ASAP1: variants seen among roughly 807,000 people sequenced by gnomAD.
ASAP1 encodes the protein ArfGAP with SH3 domain, ankyrin repeat and PH domain 1, also known as arf-GAP with SH3 domain, ANK repeat and PH domain-containing protein 1.
In ASAP1, 43 loss-of-function variants were observed where a neutral mutation model predicts 145.2. That is an observed-to-expected ratio of 0.30 (90% CI 0.23 to 0.38). The LOEUF is 0.38. Among genes scored for constraint, ASAP1 ranks in the 10% least tolerant of loss-of-function variants. The pLI is 1.00. For synonymous variants in ASAP1, 546 were observed against 515.5 expected (o/e 1.06, Z -0.80); for missense variants, 1,018 against 1,355.3 (o/e 0.75, Z 3.91).
intron 5 of ASAP1, among the ~76,000 whole-genome samples, chr8:130,213,467 T>C (rs10103052): frequency 0.12 from 18,230 of 152,230 alleles, 1,181 homozygotes; most frequent in Non-Finnish European, 0.15. Flanking sequence ...TAACCTTTTG[T>C]ATCTAATGGA....
intron 3 of ASAP1, among the ~76,000 whole-genome samples, chr8:130,349,806 C>A (rs1163246261): frequency 6.6e-6 from 1 of 152,178 alleles, no homozygotes; most frequent in African/African-American, 2.4e-5. Flanking sequence ...GAGTGCCTCC[C>A]ATGCATTGCC....
rs148122068 is a variant in ASAP1, at chr8:130,055,695, C to T, written c.3316-890G>A. Among the ~76,000 whole-genome samples the T allele has an allele frequency of 2.1e-3, 318 of 152,262 alleles. 1 individual carries two copies. Among genetic ancestry groups the T allele is most frequent in the African/African-American group, 7.5e-3 (312 of 41,548 alleles). On this transcript the variant is annotated intron_variant, in intron 29 of 29. Coordinates refer to ENST00000518721, the MANE Select transcript of ASAP1 (RefSeq NM_018482.4). The stretch of plus-strand genomic sequence containing the variant: ...TTACCTGTAAAAATTTTCTAATTAC[C>T]TCAATTAGATTAGTATTGATTGCAC...
At chr8:130,304,067 A>G (rs774262968) in intron 3 of ASAP1, among the ~76,000 whole-genome samples, 20 of 152,164 alleles carry the variant, frequency 1.3e-4, no homozygotes, top group Non-Finnish European at 2.4e-4. Context: ...GAGACGGTAC[A>G]TAAGAACTCT....
At chr8:130,328,308 C>T (rs907074179) in intron 3 of ASAP1, among the ~76,000 whole-genome samples, 15 of 152,188 alleles carry the variant, frequency 9.9e-5, no homozygotes, top group African/African-American at 3.6e-4. Context: ...TGCTCTTAAC[C>T]ACTGTGACAA....
chr8:130,195,299 G>T (rs7014892), intron 5 of ASAP1: 6 of 150,964 alleles, frequency 4.0e-5, no homozygotes, highest in East Asian at 2.0e-4. Context: ...AATTGGCGGG[G>T]GCCAAGGTGT....
At chr8:130,164,302 A>G (rs1288382146) in intron 11 of ASAP1, among the ~76,000 whole-genome samples, 1 of 152,214 alleles carries the variant, frequency 6.6e-6, no homozygotes, top group African/African-American at 2.4e-5. Flanking sequence ...AAATACTTTC[A>G]GGCCAGGCGC....
At chr8:130,059,939 C>T (rs1051592435) in intron 28 of ASAP1, among the ~76,000 whole-genome samples, 2 of 151,732 alleles carry the variant, frequency 1.3e-5, no homozygotes, top group Admixed American at 6.6e-5. Flanking sequence ...AAAAGCCAGG[C>T]GTAGTGATAT....
chr8:130,064,636 C>T (rs1190821337), intron 27 of ASAP1, among the ~76,000 whole-genome samples: 2 of 152,152 alleles, frequency 1.3e-5, no homozygotes, highest in Admixed American at 1.3e-4. Flanking sequence ...CACCACCAAG[C>T]AGCGGATACC....
chr8:130,344,676 G>A (rs770738560), intron 3 of ASAP1, among the ~76,000 whole-genome samples: 7 of 152,206 alleles, frequency 4.6e-5, no homozygotes, highest in East Asian at 1.9e-4. Flanking sequence ...AGAACCTGCA[G>A]TAAGTAAGCA....
At chr8:130,364,608 C>T (rs1478952629) in intron 2 of ASAP1, among the ~76,000 whole-genome samples, 1 of 152,184 alleles carries the variant, frequency 6.6e-6, no homozygotes, top group African/African-American at 2.4e-5. Flanking sequence ...CGTGTGTTTT[C>T]CTTCTGGGGA....
Position 130,076,342 on chromosome 8 carries a change from T to C in ASAP1, c.2701+6A>G. On this transcript the variant is annotated splice_donor_region_variant and intron_variant, in intron 27 of 29. Coordinates refer to ENST00000518721, the MANE Select transcript of ASAP1 (RefSeq NM_018482.4). ...TACATGTAAATGTAAAAATGATAGA[T>C]CTTACCTTTCTGAGGTAGTTTAGGA... The C allele has an allele frequency of 1.2e-6, 2 of 1,607,078 alleles. No individual in the cohort carries two copies. The highest frequency in any genetic ancestry group is 8.5e-7 in the Non-Finnish European group (1 of 1,175,586).
chr8:130,187,317 A>G (rs914893991), intron 6 of ASAP1, 32 bp from the exon 7 acceptor site: 6 of 1,556,378 alleles, frequency 3.9e-6, no homozygotes, highest in Non-Finnish European at 5.3e-6. Context: ...TTAAAATTGC[A>G]ACTACTTTTG....
At chr8:130,323,734 C>T (rs111255077) in intron 3 of ASAP1, among the ~76,000 whole-genome samples, 65 of 152,288 alleles carry the variant, frequency 4.3e-4, no homozygotes, top group Non-Finnish European at 7.5e-4. Context: ...ATTAGGCATA[C>T]TATGTATGTA....
intron 1 of ASAP1, among the ~76,000 whole-genome samples, chr8:130,434,151 A>G (rs1830228022): frequency 1.3e-5 from 2 of 152,146 alleles, no homozygotes; most frequent in African/African-American, 4.8e-5. Flanking sequence ...CCCCATCTCT[A>G]CTAAAAATAC....
At chr8:130,272,478 A>G (rs1820645392) in intron 3 of ASAP1, among the ~76,000 whole-genome samples, 1 of 152,214 alleles carries the variant, frequency 6.6e-6, no homozygotes, top group South Asian at 2.1e-4. Flanking sequence ...CAATCCAGCA[A>G]TTCCACTATC....
chr8:130,280,552 T>C (rs574449422), intron 3 of ASAP1, among the ~76,000 whole-genome samples: 1 of 152,374 alleles, frequency 6.6e-6, no homozygotes, highest in South Asian at 2.1e-4. Context: ...GCATGATTCA[T>C]ATAATTTAAT....
At chr8:130,253,657 T>C (rs1819339985) in intron 3 of ASAP1, among the ~76,000 whole-genome samples, 1 of 152,234 alleles carries the variant, frequency 6.6e-6, no homozygotes, top group East Asian at 1.9e-4. Flanking sequence ...TTATATGGCA[T>C]TAGAACAGAA....
intron 13 of ASAP1, among the ~76,000 whole-genome samples, chr8:130,139,015 T>C (rs867295116): frequency 3.9e-5 from 6 of 152,258 alleles, no homozygotes; most frequent in Middle Eastern, 3.4e-3. Context: ...TAAATGACAA[T>C]GGCATATGAC....
chr8:130,185,016 C>T (rs1814622966), intron 7 of ASAP1, among the ~76,000 whole-genome samples: 1 of 152,150 alleles, frequency 6.6e-6, no homozygotes, highest in Admixed American at 6.5e-5. Flanking sequence ...AAATAGAAGA[C>T]CACAGAAAAT....
Sources: gnomAD v4.1 joint callset for allele counts (sites outside exome capture counted in the v4.1 genomes callset) on GRCh38, gnomAD v4.1.1 for gene constraint, MANE v1.5 for transcripts, NCBI Gene and HGNC (gene_info 2026-07-23, HGNC 2026-07-21) for gene names.